Variants in NTN4 observed in about 807,000 individuals in gnomAD.
The protein encoded by NTN4 is netrin-4.
In NTN4, 32 loss-of-function variants were observed where a neutral mutation model predicts 73.6. The ratio of observed to expected loss-of-function variants is 0.44; its 90% CI spans 0.33 to 0.58. NTN4 has a LOEUF of 0.58. Among genes scored for constraint, NTN4 ranks in the 20% least tolerant of loss-of-function variants. NTN4 has a pLI of 0.04. For missense variants in NTN4, 654 were observed against 798.3 expected (o/e 0.82, Z 2.18); for synonymous variants, 258 against 287.5 (o/e 0.90, Z 1.04).
In NTN4 at chr12:95,758,299, G is replaced by C. The variant is rs572702620; in HGVS notation, c.586-20155C>G. 2.0e-5 allele frequency among the ~76,000 whole-genome samples: 3 copies of C among 152,260 alleles called. No homozygotes were observed. The East Asian group carries it at 5.8e-4, about 29-fold the overall frequency. ...TAGTGAAAGTGAGCAGTATCTCCCT[G>C]TGGTTTTAGTTTGTATTTCCCTGTT... On this transcript the variant is annotated intron_variant, in intron 2 of 9. Transcript: ENST00000343702.
At chr12:95,749,437 G>A (rs1008114160) in intron 2 of NTN4, among the ~76,000 whole-genome samples, 25 of 152,050 alleles carry the variant, frequency 1.6e-4, no homozygotes, top group African/African-American at 4.6e-4. Context: ...TCAGGTAAGC[G>A]GCCTCTTCTT....
chr12:95,720,295 A>G (rs1462435156), intron 3 of NTN4, among the ~76,000 whole-genome samples: 1 of 152,216 alleles, frequency 6.6e-6, no homozygotes, highest in Non-Finnish European at 1.5e-5. Context: ...GGAGCCAAAA[A>G]CAAACTGTGC....
chr12:95,713,097 G>A, intron 4 of NTN4, 115 bp downstream of exon 4: 1 of 1,238,530 alleles, frequency 8.1e-7, no homozygotes, highest in Non-Finnish European at 1.1e-6. Context: ...TGTTTGTGTA[G>A]GGTCTAGTGT....
intron 4 of NTN4, 72 bp from the exon 5 acceptor site, chr12:95,710,701 A>C: frequency 1.4e-6 from 2 of 1,425,250 alleles, no homozygotes; most frequent in Non-Finnish European, 1.9e-6. Context: ...ATATTCAGAT[A>C]GGTAAAAATA....
intron 2 of NTN4, among the ~76,000 whole-genome samples, chr12:95,765,780 C>T (rs563717703): frequency 1.6e-4 from 25 of 152,252 alleles, no homozygotes; most frequent in African/African-American, 4.6e-4. Flanking sequence ...TTATAAAACA[C>T]GCTTATATAT....
intron 2 of NTN4, among the ~76,000 whole-genome samples, chr12:95,752,480 CCCTG>C (rs1332342091): frequency 1.3e-5 from 2 of 151,612 alleles, no homozygotes; most frequent in Non-Finnish European, 2.9e-5. Context: ...CTTGGACTGA[CCCTG>C]ACACCCATCA....
At position 95,790,579 on chromosome 12, in the gene NTN4, G is replaced by T. The variant is rs1289366156; in HGVS notation, c.-270C>A. On this transcript the variant is annotated 5_prime_UTR_variant, in exon 1 of 10. Transcript: ENST00000343702. This position sits in a 1 kb window ranked among gnomAD's most constrained non-coding sequence, Gnocchi z 6.5. ...GAGCCCCGGGACCATAGCCGGCCTGGCTGCGCTGCCCCGCGGAGCGGCCCT... is the reference window on the plus strand; with the variant it reads ...GAGCCCCGGGACCATAGCCGGCCTGTCTGCGCTGCCCCGCGGAGCGGCCCT... The T allele has an allele frequency of 6.7e-5, 19 of 283,992 alleles. No individual in the cohort carries two copies. The highest frequency in any genetic ancestry group is 1.2e-4 in the Non-Finnish European group (19 of 153,698). The allele number at this position is 283,992 out of a possible 1,614,324, so 17.6% of individuals were successfully genotyped here. A position where few individuals can be genotyped will look rare whatever the true frequency, so the allele number is the denominator to read the frequency against.
chr12:95,729,628 AGAGAGTGTGTGT>A (rs1184517059), intron 3 of NTN4, among the ~76,000 whole-genome samples: 162 of 102,260 alleles, frequency 1.6e-3, no homozygotes, highest in Non-Finnish European at 2.6e-3. Context: ...AGAGAGAGAG[AGAGAGTGTGTGT>A]GTGTGTGTGT....
At chr12:95,703,343 T>C (rs1366888433) in intron 5 of NTN4, among the ~76,000 whole-genome samples, 1 of 152,238 alleles carries the variant, frequency 6.6e-6, no homozygotes, top group African/African-American at 2.4e-5. Context: ...TTGTAGGCTC[T>C]AGCACTTGGA....
intron 9 of NTN4, chr12:95,663,596 A>G (rs1345231158): frequency 6.6e-6 from 1 of 152,250 alleles, no homozygotes; most frequent in Non-Finnish European, 1.5e-5. Flanking sequence ...GTAAGGTTTC[A>G]GTTTTCTTAT....
intron 8 of NTN4, among the ~76,000 whole-genome samples, chr12:95,669,025 G>A (rs1416651268): frequency 6.6e-6 from 1 of 152,206 alleles, no homozygotes; most frequent in Non-Finnish European, 1.5e-5. Context: ...CTGGGAGGCT[G>A]AGGCAGGAGA....
chr12:95,787,567 C>A (rs907444263), intron 1 of NTN4, 99 bp from the exon 2 acceptor site: 4 of 1,179,650 alleles, frequency 3.4e-6, no homozygotes, highest in Non-Finnish European at 2.4e-6. Flanking sequence ...TCCCCAAAAG[C>A]GCTTGAGACT....
intron 2 of NTN4, among the ~76,000 whole-genome samples, chr12:95,760,287 G>C (rs975059914): frequency 1.3e-5 from 2 of 152,154 alleles, no homozygotes; most frequent in East Asian, 3.9e-4. Flanking sequence ...ACTATTCCCA[G>C]ACTCATAGGA....
chr12:95,739,974 C>T (rs2078811208), intron 2 of NTN4: 1 of 152,258 alleles, frequency 6.6e-6, no homozygotes, highest in African/African-American at 2.4e-5. Context: ...CTTCTGCTTC[C>T]TGAGCCCAGA....
intron 3 of NTN4, among the ~76,000 whole-genome samples, chr12:95,733,043 C>A (rs2078750128): frequency 6.6e-6 from 1 of 152,172 alleles, no homozygotes; most frequent in South Asian, 2.1e-4. Flanking sequence ...AAATAAGCTC[C>A]AAATTACAGG....
intron 2 of NTN4, among the ~76,000 whole-genome samples, chr12:95,774,612 A>G (rs1429997148): frequency 6.6e-6 from 1 of 152,232 alleles, no homozygotes; most frequent in Non-Finnish European, 1.5e-5. Context: ...TGCTTAACAT[A>G]TCATAAATGT....
intron 7 of NTN4, among the ~76,000 whole-genome samples, chr12:95,678,888 G>A (rs1381936017): frequency 6.6e-6 from 1 of 152,054 alleles, no homozygotes; most frequent in Admixed American, 6.6e-5. Flanking sequence ...CATAAAAAAT[G>A]ATTTTTAAGA....
chr12:95,785,065 A>G (rs2079157889), intron 2 of NTN4, among the ~76,000 whole-genome samples: 1 of 152,214 alleles, frequency 6.6e-6, no homozygotes, highest in South Asian at 2.1e-4. Flanking sequence ...CTGGTTACTC[A>G]GACTGTATTT....
chr12:95,731,205 G>A (rs907578747), intron 3 of NTN4, among the ~76,000 whole-genome samples: 1 of 152,148 alleles, frequency 6.6e-6, no homozygotes, highest in African/African-American at 2.4e-5. Context: ...CCTTGTAAGA[G>A]CAGTCATACC....
Sources: allele counts gnomAD v4.1 joint callset (sites outside exome capture counted in the v4.1 genomes callset), GRCh38; gene constraint gnomAD v4.1.1; non-coding constraint Gnocchi (gnomAD v3.1); transcripts MANE v1.5; gene names NCBI Gene and HGNC (gene_info 2026-07-23, HGNC 2026-07-21).